ZNF385D: variants seen among roughly 807,000 people sequenced by gnomAD.
The protein encoded by ZNF385D is zinc finger protein 659.
Under a neutral mutation model 35.8 loss-of-function variants are expected in ZNF385D, and 15 were observed. That is an observed-to-expected ratio of 0.42 (90% CI 0.28 to 0.64). ZNF385D has a LOEUF of 0.64. ZNF385D is among the 30% of genes least tolerant of loss of function. The pLI is 0.23. For synonymous variants in ZNF385D, 212 were observed against 186.8 expected (o/e 1.13, Z -1.10); for missense variants, 474 against 494.6 (o/e 0.96, Z 0.39).
chr3:21,621,406 C>T (rs552452673), intron 2 of ZNF385D, among the ~76,000 whole-genome samples: 19 of 152,078 alleles, frequency 1.2e-4, no homozygotes, highest in African/African-American at 4.1e-4. Flanking sequence ...ATAAAGCATA[C>T]CTTAGTAGCA....
chr3:22,152,062 G>T (rs868521732), intron 3 of ZNF385D, among the ~76,000 whole-genome samples: 12 of 151,988 alleles, frequency 7.9e-5, no homozygotes, highest in Non-Finnish European at 4.4e-5. Flanking sequence ...GCGTCTGTGT[G>T]TTCTCATCAT....
At chr3:22,190,906 G>A (rs1004583268) in intron 2 of ZNF385D, among the ~76,000 whole-genome samples, 1 of 151,882 alleles carries the variant, frequency 6.6e-6, no homozygotes, top group Non-Finnish European at 1.5e-5. Context: ...GATACTCTGT[G>A]AATTTCTAAA....
intron 3 of ZNF385D, among the ~76,000 whole-genome samples, chr3:21,520,945 ATAG>A (rs1017404356): frequency 6.6e-6 from 1 of 152,216 alleles, no homozygotes; most frequent in Non-Finnish European, 1.5e-5. Context: ...TCCTCCCTAC[ATAG>A]TCACATAACA....
At chr3:22,304,751 A>G (rs1703111312) in intron 2 of ZNF385D, among the ~76,000 whole-genome samples, 3 of 152,052 alleles carry the variant, frequency 2.0e-5, no homozygotes, top group Non-Finnish European at 2.9e-5. Flanking sequence ...ATATTTCTTA[A>G]ATTCTCTCTT....
chr3:22,154,870 A>G (rs1008807522), intron 3 of ZNF385D, among the ~76,000 whole-genome samples: 1 of 152,166 alleles, frequency 6.6e-6, no homozygotes, highest in African/African-American at 2.4e-5. Flanking sequence ...TCCACAGAAA[A>G]CAGGAAACAT....
At chr3:22,099,183 T>C (rs988231327) in intron 3 of ZNF385D, among the ~76,000 whole-genome samples, 1 of 152,082 alleles carries the variant, frequency 6.6e-6, no homozygotes, top group African/African-American at 2.4e-5. Context: ...ATGCTCATAA[T>C]GAAGTTTTAA....
At chr3:21,899,800 A>G (rs764947524) in intron 3 of ZNF385D, among the ~76,000 whole-genome samples, 61 of 152,150 alleles carry the variant, frequency 4.0e-4, no homozygotes, top group Non-Finnish European at 7.2e-4. Context: ...AATTCTCTGT[A>G]GCCAAATTTC....
intron 3 of ZNF385D, among the ~76,000 whole-genome samples, chr3:21,812,751 T>G (rs893872563): frequency 6.6e-6 from 1 of 152,206 alleles, no homozygotes; most frequent in African/African-American, 2.4e-5. Flanking sequence ...CCTGCCTCTG[T>G]AGACTCCACC....
At chr3:22,023,122 T>C (rs540730542) in intron 3 of ZNF385D, among the ~76,000 whole-genome samples, 1 of 152,180 alleles carries the variant, frequency 6.6e-6, no homozygotes, top group African/African-American at 2.4e-5. Context: ...CCATGTCTTA[T>C]GGAGGGCACA....
At chr3:21,876,324 T>C (rs1459539337) in intron 3 of ZNF385D, among the ~76,000 whole-genome samples, 1 of 151,746 alleles carries the variant, frequency 6.6e-6, no homozygotes, top group Middle Eastern at 3.2e-3. Flanking sequence ...GTAACTGTCT[T>C]CATTCAGCCT....
chr3:22,134,944 TG>T (rs1704018664), intron 3 of ZNF385D, among the ~76,000 whole-genome samples: 1 of 152,190 alleles, frequency 6.6e-6, no homozygotes. Context: ...TAGAAGATTA[TG>T]TTTCCAGTGC....
Position 21,425,521 on chromosome 3 carries a change from G to A in ZNF385D, c.823C>T (p.His275Tyr). ...KTFHCEICDV[H>Y]VNSETQLKQH... Reference sequence around the variant, plus strand: ...TTAAGTTGCGTTTCCGAGTTGACGTGCACATCACAGATTTCACAGTGAAAT... The same window carrying A: ...TTAAGTTGCGTTTCCGAGTTGACGTACACATCACAGATTTCACAGTGAAAT... Residue 275 changes from histidine to tyrosine, a missense_variant, in exon 6 of 8, where the codon CAC (histidine) becomes TAC (tyrosine). His to Tyr is a moderately conservative substitution (Grantham distance 83). Transcript: ENST00000281523. The A allele has an allele frequency of 6.2e-7, 1 of 1,609,190 alleles. No individual in the cohort carries two copies. The highest frequency in any genetic ancestry group is 1.7e-5 in the Admixed American group (1 of 59,394).
intron 4 of ZNF385D, among the ~76,000 whole-genome samples, chr3:21,509,339 A>G (rs1486392847): frequency 1.3e-5 from 2 of 152,112 alleles, no homozygotes; most frequent in African/African-American, 4.8e-5. Context: ...GCACTTCTCT[A>G]TGCCAGATGC....
chr3:21,665,537 T>C (rs2066379349), intron 1 of ZNF385D, among the ~76,000 whole-genome samples: 2 of 152,210 alleles, frequency 1.3e-5, no homozygotes, highest in African/African-American at 4.8e-5. Context: ...CAGGCAGCTG[T>C]ACCTTACTGC....
chr3:21,878,888 G>C (rs1366942018), intron 3 of ZNF385D, among the ~76,000 whole-genome samples: 1 of 151,924 alleles, frequency 6.6e-6, no homozygotes, highest in Non-Finnish European at 1.5e-5. Flanking sequence ...GCATTTATGT[G>C]GGAAAGACCT....
intron 2 of ZNF385D, among the ~76,000 whole-genome samples, chr3:22,371,475 A>C (rs1297729146): frequency 6.6e-6 from 1 of 152,160 alleles, no homozygotes; most frequent in Non-Finnish European, 1.5e-5. Context: ...GAAACCACGC[A>C]TCACTCGTTT....
At chr3:21,850,532 T>C (rs1181495324) in intron 3 of ZNF385D, among the ~76,000 whole-genome samples, 1 of 152,128 alleles carries the variant, frequency 6.6e-6, no homozygotes, top group Non-Finnish European at 1.5e-5. Context: ...ATTTACAATC[T>C]GTATAGTAGT....
intron 2 of ZNF385D, among the ~76,000 whole-genome samples, chr3:21,601,266 A>G (rs890712364): frequency 2.0e-5 from 3 of 152,232 alleles, no homozygotes; most frequent in Admixed American, 6.5e-5. Context: ...TTTATAAAGC[A>G]GATGTTAAAC....
intron 3 of ZNF385D, among the ~76,000 whole-genome samples, chr3:22,001,779 GACC>G (rs1207066499): frequency 5.9e-5 from 9 of 151,488 alleles, no homozygotes; most frequent in African/African-American, 1.9e-4. Context: ...TATTTTTTCA[GACC>G]ACATTAGAAA....
Sources: allele counts gnomAD v4.1 joint callset (sites outside exome capture counted in the v4.1 genomes callset), GRCh38; gene constraint gnomAD v4.1.1; transcripts MANE v1.5; gene names NCBI Gene and HGNC (gene_info 2026-07-23, HGNC 2026-07-21).